PNPLA7: variants seen among roughly 807,000 people sequenced by gnomAD.
The protein encoded by PNPLA7 is patatin-like phospholipase domain-containing protein 7.
A neutral mutation model predicts 161.7 loss-of-function variants in PNPLA7; 153 were observed. The observed-to-expected ratio is 0.95, with a 90% CI of 0.83 to 1.08. The LOEUF is 1.08. Ranked by LOEUF, PNPLA7 falls within the 50% of genes least tolerant of loss-of-function variation. The pLI is 0.00. For synonymous variants in PNPLA7, 809 were observed against 782.1 expected, an observed-to-expected ratio of 1.03 and a Z score of -0.57; for missense variants, 1,739 against 1,856.6, an observed-to-expected ratio of 0.94 and a Z score of 1.16.
At chr9:137,528,685 C>A (rs1367595586) in intron 8 of PNPLA7, among the ~76,000 whole-genome samples, 1 of 151,002 alleles carries the variant, frequency 6.6e-6, no homozygotes, top group Non-Finnish European at 1.5e-5. Flanking sequence ...TTGGGGCTTT[C>A]ATGATATATC....
chr9:137,522,295 CGAT>C (rs1835054569), intron 9 of PNPLA7, among the ~76,000 whole-genome samples: 6 of 149,914 alleles, frequency 4.0e-5, no homozygotes, highest in Non-Finnish European at 7.4e-5. Flanking sequence ...AGGATGGTCT[CGAT>C]CTCCTGACCT....
chr9:137,461,267 G>C (rs936888001), intron 33 of PNPLA7: 8 of 438,678 alleles, frequency 1.8e-5, no homozygotes, highest in Non-Finnish European at 2.9e-5. Flanking sequence ...GGCAAAACGT[G>C]GTTCTACTTC....
intron 33 of PNPLA7, 50 bp from the exon 34 acceptor site, chr9:137,460,787 T>C (rs370638639): frequency 2.5e-5 from 38 of 1,516,128 alleles, no homozygotes; most frequent in Non-Finnish European, 3.4e-5. Flanking sequence ...GAAGGGACCG[T>C]ACCCAGCATA....
chr9:137,547,280 C>CG lies in PNPLA7; in HGVS notation c.193+28dup, dbSNP rs1268105360. 6.2e-7 allele frequency: 1 copy of CG among 1,606,786 alleles called. No homozygotes were observed. Among genetic ancestry groups the CG allele is most frequent in the South Asian group, 1.1e-5 (1 of 90,936 alleles). On this transcript the variant is annotated intron_variant, in intron 3 of 34. Coordinates refer to ENST00000406427, the MANE Select transcript of PNPLA7 (RefSeq NM_001098537.3). The surrounding 1 kb of genome is among the most constrained non-coding windows in gnomAD (Gnocchi z 4.6). ...ACACCCACGCTTTCCCCCAACCCCC[C>CG]GGGCCAGAGTCGGAACCAAGATACT...
chr9:137,533,484 C>A (rs1380551989), intron 8 of PNPLA7, among the ~76,000 whole-genome samples: 1 of 147,810 alleles, frequency 6.8e-6, no homozygotes, highest in Non-Finnish European at 1.5e-5. Flanking sequence ...AGTGTACACT[C>A]CAGGCGGGAG....
At chr9:137,491,513 G>A (rs138174994) in intron 20 of PNPLA7, 7 of 983,108 alleles carry the variant, frequency 7.1e-6, no homozygotes, top group African/African-American at 5.2e-5. Context: ...ATTACGTTAC[G>A]TGTTAGACAG....
intron 21 of PNPLA7, 42 bp from the exon 22 acceptor site, chr9:137,481,065 C>T (rs781466194): frequency 1.3e-6 from 2 of 1,545,280 alleles, no homozygotes; most frequent in Admixed American, 2.0e-5. Context: ...CCTGGGCAGC[C>T]CACCTCCAAC....
intron 12 of PNPLA7, among the ~76,000 whole-genome samples, 182 bp downstream of exon 12, chr9:137,515,197 G>C (rs895052344): frequency 1.3e-5 from 2 of 152,138 alleles, no homozygotes; most frequent in South Asian, 4.2e-4. Context: ...TGGGCGGCAG[G>C]ACGGCCACCA....
rs763723334 is a variant in PNPLA7, at chr9:137,522,749, T to C, written c.856A>G (p.Thr286Ala). 10 of 1,613,156 alleles carry C rather than the reference T, an allele frequency of 6.2e-6. No individual in the cohort carries two copies. The highest frequency in any genetic ancestry group is 8.5e-6 in the Non-Finnish European group (10 of 1,179,810). Residue 286 changes from threonine (T) to alanine (A), a missense_variant, in exon 9 of 35, where the codon ACT (threonine) becomes GCT (alanine). Physicochemically the swap from Thr to Ala is moderately conservative, Grantham distance 58. Transcript: ENST00000406427. ...CTCACCTGCACCACCCTCACCAGAG[T>C]TTCCGGATATTTCTCAAAAACTCCA... Reference protein sequence around the residue: ...FHGVFEKYPETLVRVVQIIMV... With the variant: ...FHGVFEKYPEALVRVVQIIMV...
Position 137,467,791 on chromosome 9 carries a change from G to C in PNPLA7, c.2883-318C>G, listed in dbSNP as rs1177346228. ...TGCGCGCCTGTAATCCCAGCTACTC[G>C]GGAGGCTGAGGCAGGAGAATCACCT... On this transcript the variant is annotated intron_variant, in intron 25 of 34. Coordinates refer to ENST00000406427, the MANE Select transcript of PNPLA7 (RefSeq NM_001098537.3). The surrounding 1 kb of genome is among the most constrained non-coding windows in gnomAD (Gnocchi z 5.1). Among the ~76,000 whole-genome samples, 2 of 152,122 alleles carry C rather than the reference G, an allele frequency of 1.3e-5. No individual in the cohort carries two copies. The highest frequency in any genetic ancestry group is 4.8e-5 in the African/African-American group (2 of 41,412).
At chr9:137,515,586 C>T (rs552055887) in intron 11 of PNPLA7, 67 bp from the exon 12 acceptor site, 4 of 1,455,700 alleles carry the variant, frequency 2.7e-6, no homozygotes, top group Admixed American at 5.2e-5. Context: ...GCAGCCCATT[C>T]GGGGCCACGC....
chr9:137,462,137 T>TGCCTCCGCCC (rs770420604), intron 31 of PNPLA7, 42 bp downstream of exon 31: 17 of 1,530,640 alleles, frequency 1.1e-5, no homozygotes, highest in Non-Finnish European at 1.2e-5. Flanking sequence ...GCCACCAGAG[T>TGCCTCCGCCC]GCCTCCGCCC....
At chr9:137,538,522 G>A (rs776586508) in intron 8 of PNPLA7, among the ~76,000 whole-genome samples, 23 of 152,232 alleles carry the variant, frequency 1.5e-4, no homozygotes, top group Admixed American at 6.5e-5. Flanking sequence ...CCGAGCCAGG[G>A]TTCTGGTGAG....
At chr9:137,506,257 G>A (rs1833917034) in intron 12 of PNPLA7, among the ~76,000 whole-genome samples, 174 bp from the exon 13 acceptor site, 1 of 152,178 alleles carries the variant, frequency 6.6e-6, no homozygotes, top group African/African-American at 2.4e-5. Flanking sequence ...CTGCCTCAAT[G>A]GCTCTGTGAC....
rs1334305409 is a variant in PNPLA7 at position 137,500,872 on chromosome 9, A to C, written c.1576T>G (p.Ser526Ala). 6.3e-7 allele frequency: 1 copy of C among 1,582,786 alleles called. No individual in the cohort carries two copies. Among genetic ancestry groups the C allele is most frequent in the South Asian group, 1.1e-5 (1 of 87,192 alleles). The change falls in exon 16 of 35, where the codon TCG becomes GCG. Residue 526 changes from serine to alanine, a missense_variant. By Grantham distance (99) the Ser-to-Ala change is moderately conservative (BLOSUM62 1). Transcript: ENST00000406427. The surrounding 1 kb of genome is among the most constrained non-coding windows in gnomAD (Gnocchi z 5.5). Reference protein sequence around the residue: ...DQDASILFVVSGLLHVYQRKI... With the variant: ...DQDASILFVVAGLLHVYQRKI... ...CGCTGGTACACGTGCAGCAGCCCCG[A>C]GACCACGAACAGGATGCTGGCGTCC...
chr9:137,487,990 G>A (rs146093992), intron 20 of PNPLA7, among the ~76,000 whole-genome samples: 15 of 152,386 alleles, frequency 9.8e-5, no homozygotes, highest in Non-Finnish European at 1.9e-4. Context: ...GCCTCTAGGC[G>A]CTGAGTGGAA....
intron 20 of PNPLA7, chr9:137,491,436 C>T (rs965417405): frequency 5.2e-6 from 5 of 967,870 alleles, no homozygotes; most frequent in South Asian, 9.6e-5. Context: ...ATGATCCAAC[C>T]GGACACCTTC....
chr9:137,526,782 G>A (rs1388028195), intron 8 of PNPLA7, among the ~76,000 whole-genome samples: 1 of 152,148 alleles, frequency 6.6e-6, no homozygotes, highest in Admixed American at 6.5e-5. Context: ...GAGAAATACA[G>A]TTTATTTTCG....
Position 137,462,805 on chromosome 9 carries a change from T to G in PNPLA7, c.3372A>C (p.Lys1124Asn). Residue 1124 changes from lysine (K) to asparagine (N), a missense_variant, in exon 30 of 35, where the codon AAA (lysine) becomes AAC (asparagine). Lys to Asn is a moderately conservative substitution (Grantham distance 94). Coordinates refer to ENST00000406427, the MANE Select transcript of PNPLA7 (RefSeq NM_001098537.3). ...PADVARSMGA[K>N]VVIAIDVGSR... ...TGCCCACGTCAATGGCGATCACCAC[T>G]TTTGCCCCCATGGACCGGGCCACAT... 1 of 1,613,644 alleles carries G rather than the reference T, an allele frequency of 6.2e-7. No homozygotes were observed. The highest frequency in any genetic ancestry group is 8.5e-7 in the Non-Finnish European group (1 of 1,179,926).
Sources: gnomAD v4.1 joint callset for allele counts (sites outside exome capture counted in the v4.1 genomes callset) on GRCh38, gnomAD v4.1.1 for gene constraint, Gnocchi (gnomAD v3.1) non-coding constraint, MANE v1.5 for transcripts, NCBI Gene and HGNC (gene_info 2026-07-23, HGNC 2026-07-21) for gene names.